Variants in UGT1A10 observed in about 807,000 individuals in gnomAD.
UGT1A10 encodes the protein UDP-glucuronosyltransferase 1A10.
Under a neutral mutation model 45.8 loss-of-function variants are expected in UGT1A10, and 49 were observed. The ratio of observed to expected loss-of-function variants is 1.07; its 90% confidence interval spans 0.85 to 1.36. UGT1A10 has a LOEUF of 1.36. Ranked by LOEUF, UGT1A10 falls within the 40% of genes most tolerant of loss-of-function variation. UGT1A10 has a pLI of 0.00. For synonymous variants in UGT1A10, 284 were observed against 249.7 expected (o/e 1.14, Z -1.29); for missense variants, 745 against 668.6 (o/e 1.11, Z -1.26).
rs2126038220 is a variant in UGT1A10, at chr2:233,768,440, G to T, written c.1295+1G>T. ...TAAAAGCAGTCATCAATGACAAAAG[G>T]TAAGAAAGAAGATACAGAAGAATAC... On this transcript the variant is annotated splice_donor_variant, in intron 4 of 4. Coordinates refer to ENST00000344644, the MANE Select transcript of UGT1A10 (RefSeq NM_019075.4). LOFTEE classifies it high-confidence loss of function. 1.2e-6 allele frequency: 2 copies of T among 1,613,446 alleles called. No individual in the cohort carries two copies. Among genetic ancestry groups the T allele is most frequent in the Non-Finnish European group, 1.7e-6 (2 of 1,179,672 alleles).
chr2:233,732,709 C>A (rs540969589), intron 1 of UGT1A10, among the ~76,000 whole-genome samples: 5 of 150,878 alleles, frequency 3.3e-5, no homozygotes, highest in Non-Finnish European at 7.4e-5. Flanking sequence ...GTTACTGTAG[C>A]CTTGTAGTAC....
At chr2:233,756,024 C>T (rs151069909) in intron 1 of UGT1A10, 1 of 152,170 alleles carries the variant, frequency 6.6e-6, no homozygotes, top group African/African-American at 2.4e-5. Flanking sequence ...ATTACACATC[C>T]CCCATGTAGC....
chr2:233,769,852 T>G lies in UGT1A10; in HGVS notation c.1295+1413T>G. On this transcript the variant is annotated intron_variant, in intron 4 of 4. Transcript: ENST00000344644. The surrounding 1 kb of genome is among the most constrained non-coding windows in gnomAD (Gnocchi z 4.4). ...CAACCTGGGCAACAGAGTGAGACCC[T>G]GTCTCAAAAAAAAAAAAAAAAATGA... 1.1e-5 allele frequency: 5 copies of G among 461,196 alleles called. No homozygotes were observed. Among genetic ancestry groups the G allele is most frequent in the Non-Finnish European group, 1.0e-5 (3 of 289,680 alleles). 28.6% of individuals were successfully genotyped at this position (461,196 alleles called of 1,614,324 possible).
intron 1 of UGT1A10, among the ~76,000 whole-genome samples, chr2:233,759,307 A>C (rs936926400): frequency 6.6e-6 from 1 of 152,192 alleles, no homozygotes; most frequent in Non-Finnish European, 1.5e-5. Context: ...TGAGTGGCTG[A>C]GGTGGGTGAG....
chr2:233,672,201 G>A (rs186748787), intron 1 of UGT1A10: 51 of 1,614,196 alleles, frequency 3.2e-5, no homozygotes, highest in Admixed American at 2.0e-4. Flanking sequence ...TGGACCGGGA[G>A]TTCAAGGCTT....
chr2:233,730,512 T>C (rs1468182310), intron 1 of UGT1A10, among the ~76,000 whole-genome samples: 3 of 152,116 alleles, frequency 2.0e-5, no homozygotes, highest in Non-Finnish European at 4.4e-5. Flanking sequence ...GTTGACTCAG[T>C]GGAAGTGGGG....
At position 233,637,215 on chromosome 2, in the gene UGT1A10, C is replaced by T. The variant is rs17854828; in HGVS notation, c.693C>T (p.Ala231=). ...TTTTTAGAAATGCCCTAGAAATAGC[C>T]TCTGAAATTCTCCAAACCCCTGTCA... ...QYLFRNALEI[A]SEILQTPVTA... is the part of the protein sequence containing the mutation. Residue 231 remains alanine (A), a synonymous_variant, in exon 1 of 5, where the codon GCC becomes GCT. Transcript: ENST00000344644. The T allele has an allele frequency of 0.15, 234,021 of 1,613,756 alleles. 17,948 individuals are homozygous for T. The highest frequency in any genetic ancestry group is 0.16 in the Non-Finnish European group (189,736 of 1,179,796).
At chr2:233,722,141 C>T (rs542945200) in intron 1 of UGT1A10, 1 of 165,432 alleles carries the variant, frequency 6.0e-6, no homozygotes, top group South Asian at 1.7e-4. Context: ...TTTAAGACTC[C>T]TGCAGGACAA....
intron 1 of UGT1A10, among the ~76,000 whole-genome samples, chr2:233,678,379 G>C (rs1408396387): frequency 6.6e-6 from 1 of 152,118 alleles, no homozygotes; most frequent in African/African-American, 2.4e-5. Flanking sequence ...CCATTGAGTG[G>C]GCTGTGGAGG....
chr2:233,706,522 G>A (rs1218157310), intron 1 of UGT1A10, among the ~76,000 whole-genome samples: 3 of 152,204 alleles, frequency 2.0e-5, no homozygotes, highest in South Asian at 4.1e-4. Flanking sequence ...ATTTTACAGC[G>A]GCTTAGAAAC....
chr2:233,753,749 G>A (rs143381120), intron 1 of UGT1A10: 2 of 152,342 alleles, frequency 1.3e-5, no homozygotes, highest in African/African-American at 4.8e-5. Context: ...CAATAGGACA[G>A]TTTTGCGTGG....
At chr2:233,736,685 C>G (rs1295548714) in intron 1 of UGT1A10, among the ~76,000 whole-genome samples, 6 of 152,124 alleles carry the variant, frequency 3.9e-5, no homozygotes, top group African/African-American at 1.4e-4. Flanking sequence ...TGTTGGTGAC[C>G]TACAGATGGG....
chr2:233,695,400 A>G (rs2075285150), intron 1 of UGT1A10, among the ~76,000 whole-genome samples: 1 of 149,876 alleles, frequency 6.7e-6, no homozygotes, highest in African/African-American at 2.5e-5. Context: ...CTGGGATTAC[A>G]GGCGTGAGCT....
intron 1 of UGT1A10, chr2:233,690,829 A>C: frequency 9.4e-7 from 1 of 1,068,596 alleles, no homozygotes; most frequent in Non-Finnish European, 1.1e-6. Context: ...AGCTCACAGG[A>C]GAAAGAAAAA....
chr2:233,662,471 T>C (rs28969998), intron 1 of UGT1A10, among the ~76,000 whole-genome samples: 1 of 152,194 alleles, frequency 6.6e-6, no homozygotes, highest in Non-Finnish European at 1.5e-5. Context: ...ATAAATGAAA[T>C]TAACTTTTAC....
rs190427553 is a variant in UGT1A10 at position 233,772,475 on chromosome 2, C to A, written c.1509C>A (p.Thr503=). 148 of 1,614,134 alleles carry A rather than the reference C, an allele frequency of 9.2e-5. No homozygotes were observed. Among genetic ancestry groups the A allele is most frequent in the Non-Finnish European group, 1.2e-4 (140 of 1,180,034 alleles). ...LAVVLTVAFI[T]FKCCAYGYRK... is the part of the protein sequence containing the mutation. ...TCGTGCTGACAGTGGCCTTCATCAC[C>A]TTTAAATGTTGTGCTTATGGCTACC... The change falls in exon 5 of 5, where the codon ACC becomes ACA. Residue 503 remains threonine, a synonymous_variant. Coordinates refer to ENST00000344644, the MANE Select transcript of UGT1A10 (RefSeq NM_019075.4).
intron 1 of UGT1A10, among the ~76,000 whole-genome samples, chr2:233,694,785 T>TA (rs2075240916): frequency 1.3e-5 from 2 of 152,176 alleles, no homozygotes; most frequent in African/African-American, 4.8e-5. Context: ...GGGATGGGGA[T>TA]AACTGAAATG....
chr2:233,737,856 T>C (rs1690612463), intron 1 of UGT1A10, among the ~76,000 whole-genome samples: 1 of 152,152 alleles, frequency 6.6e-6, no homozygotes, highest in Admixed American at 6.5e-5. Context: ...ACTCTTGCTA[T>C]GCCCCTTAAG....
At chr2:233,721,765 T>C (rs974997487) in intron 1 of UGT1A10, 7 of 478,556 alleles carry the variant, frequency 1.5e-5, no homozygotes, top group South Asian at 6.1e-5. Context: ...TAAATTGTTA[T>C]ATTTAGCATT....
Sources: gnomAD v4.1 joint callset for allele counts (sites outside exome capture counted in the v4.1 genomes callset) on GRCh38, gnomAD v4.1.1 for gene constraint, Gnocchi (gnomAD v3.1) non-coding constraint, MANE v1.5 for transcripts, NCBI Gene and HGNC (gene_info 2026-07-23, HGNC 2026-07-21) for gene names.